CCDC7: variants seen among roughly 807,000 people sequenced by gnomAD.
CCDC7 encodes the protein coiled-coil domain containing 7.
In CCDC7, 183 loss-of-function variants were observed where a neutral mutation model predicts 196.9. That is an observed-to-expected ratio of 0.93 (90% CI 0.82 to 1.05). The LOEUF (loss-of-function observed/expected upper bound fraction) is 1.05, where lower values mean the gene tolerates loss of function less well. Ranked by LOEUF, CCDC7 falls within the 50% of genes least tolerant of loss-of-function variation. The pLI, the probability that CCDC7 is intolerant of heterozygous loss-of-function variation, is 0.00. For synonymous variants in CCDC7, 525 were observed against 484.6 expected (o/e 1.08, Z -1.10); for missense variants, 1,540 against 1,482.2 (o/e 1.04, Z -0.64).
intron 24 of CCDC7, among the ~76,000 whole-genome samples, chr10:32,698,291 TCTC>T (rs896314059): frequency 1.1e-4 from 17 of 152,214 alleles, no homozygotes; most frequent in African/African-American, 3.9e-4. Context: ...GAGTGCCTCT[TCTC>T]CTCCAAAGGA....
intron 18 of CCDC7, among the ~76,000 whole-genome samples, chr10:32,599,484 T>C (rs2060768461): frequency 6.6e-6 from 1 of 152,152 alleles, no homozygotes; most frequent in Non-Finnish European, 1.5e-5. Context: ...TTTTAAGCCA[T>C]TTCCCCTGCA....
At chr10:32,741,931 C>G (rs2085925547) in intron 28 of CCDC7, among the ~76,000 whole-genome samples, 1 of 152,000 alleles carries the variant, frequency 6.6e-6, no homozygotes, top group African/African-American at 2.4e-5. Flanking sequence ...ATGAAAGGTT[C>G]CTTCTCATTT....
chr10:32,740,764 A>G (rs968086747), intron 28 of CCDC7, among the ~76,000 whole-genome samples: 2 of 152,170 alleles, frequency 1.3e-5, no homozygotes, highest in African/African-American at 4.8e-5. Context: ...TTAATAAAGG[A>G]TTAAAACTTT....
chr10:32,636,695 G>A (rs1342913133), intron 20 of CCDC7, among the ~76,000 whole-genome samples: 1 of 152,184 alleles, frequency 6.6e-6, no homozygotes, highest in Non-Finnish European at 1.5e-5. Context: ...ACATATGTGT[G>A]CATGTGTCTT....
chr10:32,514,180 A>G (rs2046670343), intron 9 of CCDC7: 1 of 152,228 alleles, frequency 6.6e-6, no homozygotes, highest in East Asian at 1.9e-4. Flanking sequence ...ATTTCTATAC[A>G]CTAGCTGTTA....
intron 9 of CCDC7, among the ~76,000 whole-genome samples, chr10:32,506,072 C>CA: frequency 7.1e-6 from 1 of 140,940 alleles, no homozygotes; most frequent in South Asian, 2.3e-4. Flanking sequence ...GATGGGGTGG[C>CA]GGCCGGGCAG....
intron 11 of CCDC7, 116 bp downstream of exon 12, chr10:32,518,621 C>A (rs182742818): frequency 7.6e-6 from 6 of 791,692 alleles, no homozygotes; most frequent in Non-Finnish European, 7.0e-6. Flanking sequence ...ATTAATAATT[C>A]GTAGCAGCTA....
chr10:32,589,422 C>T (rs2059584406), intron 18 of CCDC7, among the ~76,000 whole-genome samples: 1 of 152,080 alleles, frequency 6.6e-6, no homozygotes, highest in Admixed American at 6.6e-5. Flanking sequence ...AGGCTGCTTC[C>T]AAATCTTGGC....
chr10:32,843,116 T>TA, intron 33 of CCDC7, among the ~76,000 whole-genome samples: 1 of 150,598 alleles, frequency 6.6e-6, no homozygotes, highest in African/African-American at 2.5e-5. Flanking sequence ...TTAAAAAATT[T>TA]AAAAAATAAA....
chr10:32,722,505 C>T (rs1439621692), intron 25 of CCDC7, among the ~76,000 whole-genome samples: 3 of 152,022 alleles, frequency 2.0e-5, no homozygotes, highest in Non-Finnish European at 4.4e-5. Context: ...CAATTCCATG[C>T]CTCTGCCTGA....
At chr10:32,676,252 A>G (rs948220277) in intron 21 of CCDC7, among the ~76,000 whole-genome samples, 5 of 146,016 alleles carry the variant, frequency 3.4e-5, no homozygotes, top group African/African-American at 5.0e-5. Flanking sequence ...TGTTAGACCT[A>G]AAACCATAAA....
chr10:32,698,758 G>C (rs1249280135), intron 24 of CCDC7, among the ~76,000 whole-genome samples: 1 of 152,196 alleles, frequency 6.6e-6, no homozygotes, highest in African/African-American at 2.4e-5. Context: ...AGGGAGAATG[G>C]AACCAAGTTG....
chr10:32,697,533 C>T (rs531537576), intron 24 of CCDC7, among the ~76,000 whole-genome samples: 11 of 152,328 alleles, frequency 7.2e-5, no homozygotes, highest in African/African-American at 1.4e-4. Context: ...TCCTGCGCCT[C>T]GCTTGGCGGG....
intron 29 of CCDC7, among the ~76,000 whole-genome samples, chr10:32,801,119 G>T (rs1169522163): frequency 6.6e-6 from 1 of 152,194 alleles, no homozygotes; most frequent in East Asian, 1.9e-4. Flanking sequence ...GGTTCCCACT[G>T]TAAGATCGGC....
At chr10:32,497,735 G>T (rs2043137917) in intron 9 of CCDC7, among the ~76,000 whole-genome samples, 1 of 152,174 alleles carries the variant, frequency 6.6e-6, no homozygotes, top group African/African-American at 2.4e-5. Context: ...GTTCTAGTTT[G>T]ATTGCACTGT....
At chr10:32,687,685 G>C (rs1591601409) in intron 22 of CCDC7, among the ~76,000 whole-genome samples, 1 of 152,288 alleles carries the variant, frequency 6.6e-6, no homozygotes, top group African/African-American at 2.4e-5. Flanking sequence ...CTCTGACTTG[G>C]TATACATCCT....
intron 28 of CCDC7, among the ~76,000 whole-genome samples, 172 bp from the exon 30 acceptor site, chr10:32,778,805 G>A (rs1015164600): frequency 3.9e-5 from 6 of 152,194 alleles, no homozygotes; most frequent in East Asian, 1.9e-4. Flanking sequence ...CTCTCAATCC[G>A]TTAGCATGGA....
chr10:32,669,788 A>G (rs2073679763), intron 21 of CCDC7, among the ~76,000 whole-genome samples: 1 of 151,750 alleles, frequency 6.6e-6, no homozygotes, highest in South Asian at 2.1e-4. Flanking sequence ...AGATTCATTG[A>G]TTTTGTCTTT....
At chr10:32,798,798 A>G (rs1477655045) in intron 29 of CCDC7, among the ~76,000 whole-genome samples, 1 of 152,150 alleles carries the variant, frequency 6.6e-6, no homozygotes, top group Non-Finnish European at 1.5e-5. Context: ...GGGATGTCCT[A>G]GAAAGGGGCT....
Sources: allele counts gnomAD v4.1 joint callset (sites outside exome capture counted in the v4.1 genomes callset), GRCh38; gene constraint gnomAD v4.1.1; transcripts MANE v1.5; gene names NCBI Gene and HGNC (gene_info 2026-07-23, HGNC 2026-07-21).